Variants in ANKRD6 observed in about 807,000 individuals in gnomAD.
ANKRD6 encodes the protein ankyrin repeat domain-containing protein 6.
In ANKRD6, 56 loss-of-function variants were observed where a neutral mutation model predicts 82.3. The ratio of observed to expected loss-of-function variants is 0.68; its 90% CI spans 0.55 to 0.85. The LOEUF is 0.85. ANKRD6 is among the 40% of genes least tolerant of loss of function. The pLI, the probability that ANKRD6 is intolerant of heterozygous loss-of-function variation, is 0.00. For synonymous variants in ANKRD6, 347 were observed against 352.1 expected, an observed-to-expected ratio of 0.99 and a Z score of 0.16; for missense variants, 852 against 907.6, an observed-to-expected ratio of 0.94 and a Z score of 0.79.
chr6:89,622,020 A>G lies in ANKRD6; in HGVS notation c.891A>G (p.Gln297=). 6.2e-7 allele frequency: 1 copy of G among 1,612,038 alleles called. No individual in the cohort carries two copies. Among genetic ancestry groups the G allele is most frequent in the Non-Finnish European group, 8.5e-7 (1 of 1,179,786 alleles). ...AQSVPRDEVA[Q]SKGSVSAGDT... The stretch of plus-strand genomic sequence containing the variant: ...CTGTGCCAAGAGATGAGGTGGCCCA[A>G]AGCAAGGTGGGGGGCAGTCCTCCCG... Residue 297 remains glutamine (Q), a synonymous_variant, in exon 10 of 16, where the codon CAA becomes CAG. Coordinates refer to ENST00000339746, the MANE Select transcript of ANKRD6 (RefSeq NM_001242809.2).
intron 13 of ANKRD6, among the ~76,000 whole-genome samples, chr6:89,627,056 C>A (rs184667475): frequency 6.6e-6 from 1 of 151,746 alleles, no homozygotes; most frequent in East Asian, 1.9e-4. Context: ...TTAAGGCCTA[C>A]AAGGCCTGCA....
chr6:89,571,460 G>T (rs933689099), intron 2 of ANKRD6, among the ~76,000 whole-genome samples: 2 of 151,970 alleles, frequency 1.3e-5, no homozygotes, highest in Non-Finnish European at 2.9e-5. Context: ...TGGAGAAATG[G>T]CTATTCAAGT....
chr6:89,494,091 G>A (rs1056194115), intron 1 of ANKRD6, among the ~76,000 whole-genome samples: 1 of 152,054 alleles, frequency 6.6e-6, no homozygotes, highest in Non-Finnish European at 1.5e-5. Context: ...GGTAGCAGGA[G>A]GATCACTTGA....
intron 1 of ANKRD6, among the ~76,000 whole-genome samples, chr6:89,470,762 C>A (rs1229836609): frequency 1.3e-5 from 2 of 151,994 alleles, no homozygotes; most frequent in African/African-American, 4.8e-5. Flanking sequence ...GACTCTCTTT[C>A]CTCCCTGTTA....
intron 2 of ANKRD6, among the ~76,000 whole-genome samples, chr6:89,593,467 G>A (rs1795285159): frequency 6.6e-6 from 1 of 152,226 alleles, no homozygotes. Context: ...CTTCATCTCA[G>A]ATGCTGCCTT....
chr6:89,532,761 G>C (rs1203086333), intron 1 of ANKRD6, among the ~76,000 whole-genome samples: 1 of 152,018 alleles, frequency 6.6e-6, no homozygotes, highest in African/African-American at 2.4e-5. Flanking sequence ...GAGTGCAATG[G>C]CACGATCTTG....
chr6:89,503,503 G>A (rs940617927), intron 1 of ANKRD6, among the ~76,000 whole-genome samples: 2 of 152,112 alleles, frequency 1.3e-5, no homozygotes, highest in Non-Finnish European at 2.9e-5. Flanking sequence ...CCCTTGTACT[G>A]CTTACTATGT....
intron 2 of ANKRD6, among the ~76,000 whole-genome samples, chr6:89,570,738 GTTGAATAATAATCCA>G (rs1224081896): frequency 6.6e-6 from 1 of 152,140 alleles, no homozygotes; most frequent in African/African-American, 2.4e-5. Flanking sequence ...CTTTGTTAAG[GTTGAATAATAATCCA>G]TTTTATGTAT....
intron 2 of ANKRD6, among the ~76,000 whole-genome samples, chr6:89,574,036 C>G (rs1790537625): frequency 6.6e-6 from 1 of 152,192 alleles, no homozygotes; most frequent in African/African-American, 2.4e-5. Flanking sequence ...ATCACTGTGA[C>G]CTGGGTCATA....
chr6:89,606,988 G>A (rs1798793069), intron 5 of ANKRD6, among the ~76,000 whole-genome samples: 1 of 152,070 alleles, frequency 6.6e-6, no homozygotes, highest in African/African-American at 2.4e-5. Flanking sequence ...TGGCCAACAT[G>A]GTGAAACCCT....
Position 89,434,530 on chromosome 6 carries a change from A to G in ANKRD6, c.-144+1155A>G, listed in dbSNP as rs192899146. Among the ~76,000 whole-genome samples, 19 of 152,266 alleles carry G rather than the reference A, an allele frequency of 1.2e-4. No homozygotes were observed. In the East Asian group the frequency reaches 3.5e-3, roughly 28 times the overall value. Reference sequence around the variant, plus strand: ...GAGACAGAGTTTCGCTCTGTTGCCCAGGCTGTAAGCTTTGACCTCCTTAGC... The same window carrying G: ...GAGACAGAGTTTCGCTCTGTTGCCCGGGCTGTAAGCTTTGACCTCCTTAGC... On this transcript the variant is annotated intron_variant, in intron 1 of 15. Coordinates refer to ENST00000339746, the MANE Select transcript of ANKRD6 (RefSeq NM_001242809.2).
intron 1 of ANKRD6, among the ~76,000 whole-genome samples, chr6:89,488,921 T>TTCTATTCTAG (rs1554219758): frequency 6.7e-6 from 1 of 148,318 alleles, no homozygotes; most frequent in Admixed American, 6.8e-5. Flanking sequence ...TTCTATTCTA[T>TTCTATTCTAG]TCTAGTTCAT....
intron 1 of ANKRD6, among the ~76,000 whole-genome samples, chr6:89,555,978 C>T (rs1418409738): frequency 6.6e-6 from 1 of 151,992 alleles, no homozygotes; most frequent in African/African-American, 2.4e-5. Flanking sequence ...CAAATTCAGC[C>T]CATAATTAGC....
At position 89,630,618 on chromosome 6, in the gene ANKRD6, A is replaced by G. The variant is rs1807189883; in HGVS notation, c.1798A>G (p.Met600Val). The G allele has an allele frequency of 6.2e-7, 1 of 1,613,818 alleles. No homozygotes were observed. Residue 600 changes from methionine to valine, a missense_variant, in exon 16 of 16, where the codon ATG becomes GTG. Coordinates refer to ENST00000339746, the MANE Select transcript of ANKRD6 (RefSeq NM_001242809.2). ...NVKVQTALLPMNEAARSDQQA... is the reference protein window; with the variant it reads ...NVKVQTALLPVNEAARSDQQA... Reference sequence around the variant, plus strand: ...CAAGGTCCAGACAGCCTTGCTACCCATGAATGAGGCAGCCAGATCTGATCA... The same window carrying G: ...CAAGGTCCAGACAGCCTTGCTACCCGTGAATGAGGCAGCCAGATCTGATCA...
At chr6:89,536,744 G>C (rs1783886756) in intron 1 of ANKRD6, among the ~76,000 whole-genome samples, 1 of 152,206 alleles carries the variant, frequency 6.6e-6, no homozygotes, top group Non-Finnish European at 1.5e-5. Flanking sequence ...AAGCAAGCCA[G>C]CAGGCTGGTG....
chr6:89,513,606 C>T (rs1246543307), intron 1 of ANKRD6, among the ~76,000 whole-genome samples: 1 of 152,104 alleles, frequency 6.6e-6, no homozygotes. Flanking sequence ...ATCCCTTCTG[C>T]TATTTATGTA....
intron 2 of ANKRD6, 131 bp downstream of exon 2, chr6:89,567,227 G>A (rs1788723847): frequency 1.6e-6 from 2 of 1,278,722 alleles, no homozygotes; most frequent in African/African-American, 1.5e-5. Flanking sequence ...TGGAGGTTTG[G>A]GGAGAAGGAG....
chr6:89,524,786 T>G (rs1284782931), intron 1 of ANKRD6, among the ~76,000 whole-genome samples: 1 of 152,206 alleles, frequency 6.6e-6, no homozygotes, highest in Non-Finnish European at 1.5e-5. Flanking sequence ...CAACTTTTAT[T>G]TCTTGAAGGA....
chr6:89,499,034 G>T (rs1458114887), intron 1 of ANKRD6, among the ~76,000 whole-genome samples: 1 of 152,134 alleles, frequency 6.6e-6, no homozygotes, highest in Non-Finnish European at 1.5e-5. Flanking sequence ...GCCAGGAGTG[G>T]TTATGTGATA....
Sources: allele counts gnomAD v4.1 joint callset (sites outside exome capture counted in the v4.1 genomes callset), GRCh38; gene constraint gnomAD v4.1.1; transcripts MANE v1.5; gene names NCBI Gene and HGNC (gene_info 2026-07-23, HGNC 2026-07-21).